Variants in PCDHGA7 observed in about 807,000 individuals in gnomAD.
PCDHGA7 encodes protocadherin gamma-A7.
A neutral mutation model predicts 58.3 loss-of-function variants in PCDHGA7; 44 were observed. The observed-to-expected ratio is 0.75, with a 90% CI of 0.59 to 0.97. The LOEUF is 0.97. PCDHGA7 is among the 50% of genes least tolerant of loss of function. The probability of loss-of-function intolerance (pLI) is 0.00; values close to 1 mark genes in which losing one functional copy is unlikely to be tolerated. For missense variants in PCDHGA7, 1,266 were observed against 1,188.7 expected (o/e 1.06, Z -0.96); for synonymous variants, 516 against 504.2 (o/e 1.02, Z -0.31).
intron 1 of PCDHGA7, among the ~76,000 whole-genome samples, chr5:141,445,441 C>G (rs1201825256): frequency 6.6e-6 from 1 of 152,152 alleles, no homozygotes; most frequent in East Asian, 1.9e-4. Context: ...GACCTATGGA[C>G]TAAGGATGCA....
chr5:141,490,181 G>T lies in PCDHGA7; in HGVS notation c.2425-4626G>T, dbSNP rs755899660. ...GGTCCCATAGACTTTGAGGAGTCAC[G>T]TTTCTATGAAATTCATGCAAGAGCC... is the stretch of plus-strand genomic sequence containing the variant. On this transcript the variant is annotated intron_variant, in intron 1 of 3. Coordinates refer to ENST00000518325, the MANE Select transcript of PCDHGA7 (RefSeq NM_018920.4). The surrounding 1 kb of genome is among the most constrained non-coding windows in gnomAD (Gnocchi z 5.4). The T allele has an allele frequency of 6.2e-7, 1 of 1,614,200 alleles. No individual in the cohort carries two copies. The highest frequency in any genetic ancestry group is 8.5e-7 in the Non-Finnish European group (1 of 1,180,030).
intron 3 of PCDHGA7, among the ~76,000 whole-genome samples, chr5:141,510,511 T>C (rs2099881465): frequency 6.6e-6 from 1 of 152,142 alleles, no homozygotes; most frequent in Non-Finnish European, 1.5e-5. Context: ...TGAGAGCCCG[T>C]GTCACAGCCC....
At chr5:141,399,237 A>C in intron 1 of PCDHGA7, 1 of 1,614,002 alleles carries the variant, frequency 6.2e-7, no homozygotes, top group Non-Finnish European at 8.5e-7. Flanking sequence ...TACATGACCA[A>C]GATTCTGGGG....
intron 1 of PCDHGA7, among the ~76,000 whole-genome samples, chr5:141,436,701 A>C (rs571525375): frequency 6.9e-4 from 105 of 152,332 alleles, no homozygotes; most frequent in Non-Finnish European, 9.4e-4. Context: ...ATGCCAGCAC[A>C]CTCGATGTTC....
At chr5:141,421,921 G>T in intron 1 of PCDHGA7, 1 of 1,613,644 alleles carries the variant, frequency 6.2e-7, no homozygotes, top group Non-Finnish European at 8.5e-7. Context: ...CATTCGTGTG[G>T]TGGTCCTCGA....
chr5:141,492,296 G>GACGC lies in PCDHGA7; in HGVS notation c.2425-2500_2425-2497dup, dbSNP rs540417011. 9.7e-4 allele frequency among the ~76,000 whole-genome samples: 148 copies of GACGC among 152,328 alleles called. 2 individuals are homozygous for GACGC. In the South Asian group the frequency reaches 0.014, roughly 14 times the overall value. ...GCCACGCCCCGCCAACACGTGCGCGGACGCACGCACGCACTCCTCGCACGT... is the reference window on the plus strand; with the variant it reads ...GCCACGCCCCGCCAACACGTGCGCGGACGCACGCACGCACGCACTCCTCGCACGT... On this transcript the variant is annotated intron_variant, in intron 1 of 3. Transcript: ENST00000518325.
At chr5:141,410,413 T>C (rs1229133377) in intron 1 of PCDHGA7, 10 of 1,613,938 alleles carry the variant, frequency 6.2e-6, no homozygotes, top group Non-Finnish European at 8.5e-6. Context: ...AGTCTGGACC[T>C]GTAGTTCCCC....
chr5:141,477,268 C>T lies in PCDHGA7; in HGVS notation c.2425-17539C>T. ...TGACTGACCTGGATGCTGGCGAGAA[C>T]GGGCTGGTGACCTGCGAAGTTCCAC... On this transcript the variant is annotated intron_variant, in intron 1 of 3. Transcript: ENST00000518325. The surrounding 1 kb of genome is among the most constrained non-coding windows in gnomAD (Gnocchi z 4.9). The T allele has an allele frequency of 6.2e-7, 1 of 1,614,196 alleles. No individual in the cohort carries two copies. The highest frequency in any genetic ancestry group is 8.5e-7 in the Non-Finnish European group (1 of 1,180,030).
Position 141,418,614 on chromosome 5 carries a change from G to A in PCDHGA7, c.2424+33291G>A, listed in dbSNP as rs777074200. ...CAGGACGTGTACAGGGTTAGCCTTC[G>A]GGAAGACGTGCCTCCAGGCACCTCC... is the stretch of plus-strand genomic sequence containing the variant. On this transcript the variant is annotated intron_variant, in intron 1 of 3. Transcript: ENST00000518325. The A allele has an allele frequency of 5.0e-6, 8 of 1,613,876 alleles. No homozygotes were observed. In the East Asian group the frequency reaches 1.1e-4, roughly 22 times the overall value.
Position 141,385,000 on chromosome 5 carries a change from T to C in PCDHGA7, c.2101T>C (p.Ser701Pro), listed in dbSNP as rs1271412814. The change falls in exon 1 of 4, where the codon TCC becomes CCC. Residue 701 changes from serine to proline, a missense_variant. Coordinates refer to ENST00000518325, the MANE Select transcript of PCDHGA7 (RefSeq NM_018920.4). ...LYLVVAVATV[S>P]CVFLAFVLVL... ...CCTGGTGGTGGCGGTGGCCACAGTC[T>C]CCTGCGTCTTCCTAGCCTTCGTCCT... 6.2e-7 allele frequency: 1 copy of C among 1,614,138 alleles called. No individual in the cohort carries two copies. Among genetic ancestry groups the C allele is most frequent in the South Asian group, 1.1e-5 (1 of 91,086 alleles).
intron 1 of PCDHGA7, chr5:141,409,471 A>T: frequency 6.2e-7 from 1 of 1,613,978 alleles, no homozygotes; most frequent in Non-Finnish European, 8.5e-7. Context: ...TCACCATCGT[A>T]GCCACTGACA....
In PCDHGA7 at chr5:141,476,182, G is replaced by A. The variant is rs369561139; in HGVS notation, c.2425-18625G>A. On this transcript the variant is annotated intron_variant, in intron 1 of 3. Coordinates refer to ENST00000518325, the MANE Select transcript of PCDHGA7 (RefSeq NM_018920.4). This position sits in a 1 kb window ranked among gnomAD's most constrained non-coding sequence, Gnocchi z 7.6. ...GGAGGGTAGTGGGAGTTTTGCTTCT[G>A]CTTGGTGCCTTGAACAAGGCTTCCA... 5 of 1,613,554 alleles carry A rather than the reference G, an allele frequency of 3.1e-6. No homozygotes were observed. Among genetic ancestry groups the A allele is most frequent in the Admixed American group, 1.7e-5 (1 of 59,996 alleles).
At chr5:141,435,103 G>A (rs1468698388) in intron 1 of PCDHGA7, among the ~76,000 whole-genome samples, 2 of 151,914 alleles carry the variant, frequency 1.3e-5, no homozygotes, top group African/African-American at 2.4e-5. Flanking sequence ...TTTATCTAGG[G>A]GGGAGAAATC....
rs1196201183 is a variant in PCDHGA7, at chr5:141,490,944, G to A, written c.2425-3863G>A. ...ATGCCCCAGCTGTGCTGCACCCACG[G>A]CCAGACTGGGAACACTCAGCCCCCC... On this transcript the variant is annotated intron_variant, in intron 1 of 3. Transcript: ENST00000518325. This position sits in a 1 kb window ranked among gnomAD's most constrained non-coding sequence, Gnocchi z 5.4. 6.2e-7 allele frequency: 1 copy of A among 1,613,488 alleles called. No individual in the cohort carries two copies. The highest frequency in any genetic ancestry group is 1.3e-5 in the African/African-American group (1 of 74,906).
At chr5:141,385,876 G>A (rs1395840676) in intron 1 of PCDHGA7, 1 of 152,842 alleles carries the variant, frequency 6.5e-6, no homozygotes, top group Non-Finnish European at 1.5e-5. Flanking sequence ...TTGGATTTAT[G>A]CCTAAAGAAT....
intron 1 of PCDHGA7, chr5:141,423,565 C>G: frequency 1.2e-6 from 2 of 1,613,594 alleles, no homozygotes; most frequent in Non-Finnish European, 1.7e-6. Context: ...TGGGGACACG[C>G]TCATCAGCCA....
intron 1 of PCDHGA7, chr5:141,418,485 A>T: frequency 6.2e-7 from 1 of 1,614,028 alleles, no homozygotes; most frequent in Non-Finnish European, 8.5e-7. Flanking sequence ...AGCGCTCACC[A>T]CTTGGTACTG....
intron 1 of PCDHGA7, among the ~76,000 whole-genome samples, chr5:141,459,747 A>G (rs553965181): frequency 3.2e-4 from 48 of 152,318 alleles, no homozygotes; most frequent in African/African-American, 1.1e-3. Flanking sequence ...AATTTTAGCA[A>G]TTCTAGTGGG....
At chr5:141,413,054 A>T in intron 1 of PCDHGA7, 1 of 981,732 alleles carries the variant, frequency 1.0e-6, no homozygotes, top group Non-Finnish European at 1.5e-6. Context: ...AGGGAAGCTC[A>T]CTCCAGAATT....
Sources: gnomAD v4.1 joint callset for allele counts (sites outside exome capture counted in the v4.1 genomes callset) on GRCh38, gnomAD v4.1.1 for gene constraint, Gnocchi (gnomAD v3.1) non-coding constraint, MANE v1.5 for transcripts, NCBI Gene and HGNC (gene_info 2026-07-23, HGNC 2026-07-21) for gene names.